Variants in PDE4D observed in about 807,000 individuals in gnomAD.
The protein encoded by PDE4D is phosphodiesterase 4D.
Under a neutral mutation model 87.4 loss-of-function variants are expected in PDE4D, and 24 were observed. The ratio of observed to expected loss-of-function variants is 0.27; its 90% CI spans 0.20 to 0.39. PDE4D has a LOEUF of 0.39. PDE4D is among the 10% of genes least tolerant of loss of function. The pLI is 1.00. For missense variants in PDE4D, 714 were observed against 1,041.0 expected, an observed-to-expected ratio of 0.69 and a Z score of 4.32; for synonymous variants, 384 against 383.2, an observed-to-expected ratio of 1.00 and a Z score of -0.02.
At chr5:60,378,454 C>T (rs1470758100) in intron 1 of PDE4D, among the ~76,000 whole-genome samples, 2 of 152,144 alleles carry the variant, frequency 1.3e-5, no homozygotes, top group African/African-American at 4.8e-5. Context: ...GAAATTAATA[C>T]CTTAATATGA....
intron 2 of PDE4D, among the ~76,000 whole-genome samples, chr5:60,079,837 T>C (rs1773733589): frequency 6.6e-6 from 1 of 152,230 alleles, no homozygotes; most frequent in African/African-American, 2.4e-5. Flanking sequence ...TTTTTTTGCT[T>C]GGGATTGTTT....
At chr5:59,957,580 C>A (rs1435725627) in intron 3 of PDE4D, among the ~76,000 whole-genome samples, 1 of 151,900 alleles carries the variant, frequency 6.6e-6, no homozygotes, top group African/African-American at 2.4e-5. Context: ...AGGAATATAA[C>A]ATGTATATTT....
chr5:59,938,660 T>C (rs1360400531), intron 3 of PDE4D, among the ~76,000 whole-genome samples: 4 of 152,210 alleles, frequency 2.6e-5, no homozygotes, highest in East Asian at 1.9e-4. Context: ...CACTCCTCAC[T>C]GCCCTGGGCA....
At chr5:59,683,509 C>T (rs1749366540) in intron 1 of PDE4D, among the ~76,000 whole-genome samples, 1 of 152,150 alleles carries the variant, frequency 6.6e-6, no homozygotes, top group Non-Finnish European at 1.5e-5. Context: ...TTATAAAGCA[C>T]ACTCAGCATA....
intron 1 of PDE4D, among the ~76,000 whole-genome samples, chr5:59,638,447 G>A (rs1279810394): frequency 6.6e-6 from 1 of 151,980 alleles, no homozygotes; most frequent in Admixed American, 6.6e-5. Context: ...CCTAACATCA[G>A]ATACTGTAAT....
chr5:59,513,981 T>C (rs1299762576), intron 1 of PDE4D, among the ~76,000 whole-genome samples: 1 of 152,212 alleles, frequency 6.6e-6, no homozygotes, highest in Admixed American at 6.5e-5. Context: ...ATATACCTAT[T>C]AGTGAATTAT....
At chr5:59,886,913 G>T (rs1265654587) in intron 1 of PDE4D, among the ~76,000 whole-genome samples, 2 of 150,962 alleles carry the variant, frequency 1.3e-5, no homozygotes, top group African/African-American at 4.9e-5. Context: ...GAAACTGGTA[G>T]CCTGGGGTGA....
chr5:59,105,915 A>G (rs1771506906), intron 5 of PDE4D, among the ~76,000 whole-genome samples: 2 of 152,210 alleles, frequency 1.3e-5, no homozygotes. Flanking sequence ...AACACTAGTA[A>G]TACCTAGAAA....
chr5:60,479,844 C>T (rs1426082590), intron 1 of PDE4D, among the ~76,000 whole-genome samples: 1 of 152,190 alleles, frequency 6.6e-6, no homozygotes, highest in Non-Finnish European at 1.5e-5. Flanking sequence ...AATGCAGTCA[C>T]GTCTTATTTA....
At chr5:59,377,930 T>C (rs1347334880) in intron 1 of PDE4D, among the ~76,000 whole-genome samples, 1 of 152,148 alleles carries the variant, frequency 6.6e-6, no homozygotes, top group East Asian at 1.9e-4. Flanking sequence ...CATTACTGGG[T>C]GTATACCCAA....
At chr5:59,420,689 G>GAA (rs55960957) in intron 1 of PDE4D, among the ~76,000 whole-genome samples, 6,225 of 121,934 alleles carry the variant, frequency 0.051, 209 homozygotes, top group Middle Eastern at 0.084. Flanking sequence ...TACTGCACAA[G>GAA]AAAAAAAAAA....
At chr5:60,392,613 A>G (rs960938191) in intron 1 of PDE4D, among the ~76,000 whole-genome samples, 1 of 152,184 alleles carries the variant, frequency 6.6e-6, no homozygotes, top group African/African-American at 2.4e-5. Context: ...AAGCTAATAC[A>G]CCAATATTTA....
At chr5:59,491,047 C>T (rs1310239235) in intron 1 of PDE4D, among the ~76,000 whole-genome samples, 4 of 152,068 alleles carry the variant, frequency 2.6e-5, no homozygotes, top group Non-Finnish European at 4.4e-5. Context: ...ACACATATGG[C>T]CTAACATATA....
intron 6 of PDE4D, among the ~76,000 whole-genome samples, chr5:59,034,229 C>CTAAA (rs1758094756): frequency 6.6e-6 from 1 of 152,114 alleles, no homozygotes; most frequent in Admixed American, 6.5e-5. Context: ...CTCAAAACAT[C>CTAAA]TAAATGTTGA....
chr5:60,216,236 T>C (rs1014667888), intron 1 of PDE4D, among the ~76,000 whole-genome samples: 15 of 152,138 alleles, frequency 9.9e-5, no homozygotes, highest in African/African-American at 3.6e-4. Context: ...CTTGTATTTC[T>C]ATTTTGCTTA....
rs138694263 is a variant in PDE4D, at chr5:60,186,931, T to C, written c.-89-1244A>G. Among the ~76,000 whole-genome samples the C allele has an allele frequency of 2.3e-3, 343 of 152,256 alleles. 7 individuals carry two copies. The East Asian group carries it at 0.052, about 23-fold the overall frequency. On this transcript the variant is annotated intron_variant, in intron 1 of 16. Coordinates refer to the PDE4D transcript ENST00000502484. ...GCTGAAAATACTTGTTTGGAATATATGTGAGTCACCCTCTCAAGTCTTCTC... is the reference window on the plus strand; with the variant it reads ...GCTGAAAATACTTGTTTGGAATATACGTGAGTCACCCTCTCAAGTCTTCTC...
chr5:60,040,207 G>A (rs2152866958), intron 2 of PDE4D, among the ~76,000 whole-genome samples: 1 of 152,262 alleles, frequency 6.6e-6, no homozygotes, highest in East Asian at 1.9e-4. Flanking sequence ...CTAATATGAA[G>A]GTTTACAGCT....
intron 1 of PDE4D, among the ~76,000 whole-genome samples, chr5:59,579,613 G>A (rs142544118): frequency 0.017 from 2,648 of 152,282 alleles, 82 homozygotes; most frequent in African/African-American, 0.06. Flanking sequence ...TAAAGCTGGA[G>A]CCCGTATCAA....
At chr5:60,168,220 A>G (rs949222542) in intron 2 of PDE4D, among the ~76,000 whole-genome samples, 1 of 152,248 alleles carries the variant, frequency 6.6e-6, no homozygotes, top group African/African-American at 2.4e-5. Context: ...CTAAAACCCA[A>G]AAGAGCTAAT....
Sources: gnomAD v4.1 joint callset for allele counts (sites outside exome capture counted in the v4.1 genomes callset) on GRCh38, gnomAD v4.1.1 for gene constraint, MANE v1.5 for transcripts, NCBI Gene and HGNC (gene_info 2026-07-23, HGNC 2026-07-21) for gene names.